Variants in DOK6 observed in about 807,000 individuals in gnomAD.
DOK6 encodes the protein docking protein 6, also known as downstream of tyrosine kinase 6.
Under a neutral mutation model 44.0 loss-of-function variants are expected in DOK6, and 22 were observed. That is an observed-to-expected ratio of 0.50 (90% confidence interval 0.36 to 0.71). The LOEUF is 0.71. Among genes scored for constraint, DOK6 ranks in the 30% least tolerant of loss-of-function variants. The probability of loss-of-function intolerance (pLI) is 0.00; values close to 1 mark genes in which losing one functional copy is unlikely to be tolerated. For missense variants in DOK6, 340 were observed against 416.4 expected (o/e 0.82, Z 1.60); for synonymous variants, 166 against 145.5 (o/e 1.14, Z -1.01).
intron 3 of DOK6, among the ~76,000 whole-genome samples, chr18:69,655,938 A>G (rs1160487403): frequency 6.6e-6 from 1 of 152,126 alleles, no homozygotes; most frequent in Non-Finnish European, 1.5e-5. Flanking sequence ...GAAAGAAACA[A>G]TGGTGAATAG....
At chr18:69,512,595 C>G (rs1217004697) in intron 1 of DOK6, among the ~76,000 whole-genome samples, 1 of 152,044 alleles carries the variant, frequency 6.6e-6, no homozygotes, top group Non-Finnish European at 1.5e-5. Flanking sequence ...TCGTCCGCCT[C>G]GGCCTCCAAA....
intron 6 of DOK6, among the ~76,000 whole-genome samples, chr18:69,748,520 C>T (rs2144746223): frequency 6.6e-6 from 1 of 152,278 alleles, no homozygotes; most frequent in South Asian, 2.1e-4. Context: ...TCATAACAGT[C>T]TCTCAGACCA....
chr18:69,547,431 A>C (rs1982437977), intron 1 of DOK6, among the ~76,000 whole-genome samples: 1 of 151,272 alleles, frequency 6.6e-6, no homozygotes, highest in Non-Finnish European at 1.5e-5. Context: ...GGATCTCAGG[A>C]GAATTCATTC....
intron 1 of DOK6, among the ~76,000 whole-genome samples, chr18:69,461,334 C>T (rs1979780486): frequency 6.6e-6 from 1 of 152,052 alleles, no homozygotes; most frequent in Non-Finnish European, 1.5e-5. Context: ...CTTCTATTTC[C>T]TTTAGTTTCT....
chr18:69,689,123 A>T (rs1986212411), intron 4 of DOK6, among the ~76,000 whole-genome samples: 1 of 152,206 alleles, frequency 6.6e-6, no homozygotes, highest in Non-Finnish European at 1.5e-5. Context: ...ATCAGTCCAC[A>T]AGAACCTTGT....
chr18:69,620,688 A>T (rs142061796), intron 3 of DOK6, among the ~76,000 whole-genome samples: 12 of 152,332 alleles, frequency 7.9e-5, no homozygotes, highest in Non-Finnish European at 1.6e-4. Flanking sequence ...ATAGTTAATA[A>T]TAAATATGAT....
chr18:69,471,729 C>A (rs1205353814), intron 1 of DOK6: 3 of 152,020 alleles, frequency 2.0e-5, no homozygotes, highest in African/African-American at 7.3e-5. Flanking sequence ...CAATAAATAT[C>A]GAATGAGCGA....
intron 7 of DOK6, among the ~76,000 whole-genome samples, chr18:69,829,596 T>G (rs1981844499): frequency 6.6e-6 from 1 of 151,986 alleles, no homozygotes; most frequent in Non-Finnish European, 1.5e-5. Flanking sequence ...AGAGCCAAGA[T>G]AAATTCCCAA....
intron 7 of DOK6, among the ~76,000 whole-genome samples, chr18:69,831,710 T>G (rs989116348): frequency 2.0e-5 from 3 of 152,182 alleles, no homozygotes; most frequent in African/African-American, 7.2e-5. Context: ...CCCTGAGATC[T>G]CCAAAGGAAT....
chr18:69,744,243 G>C (rs992696935), intron 6 of DOK6, among the ~76,000 whole-genome samples: 3 of 151,830 alleles, frequency 2.0e-5, no homozygotes, highest in Non-Finnish European at 4.4e-5. Flanking sequence ...CCGGGAGGCG[G>C]AGGTTGCAGT....
At chr18:69,763,985 G>A (rs1304603408) in intron 7 of DOK6, among the ~76,000 whole-genome samples, 1 of 152,140 alleles carries the variant, frequency 6.6e-6, no homozygotes, top group African/African-American at 2.4e-5. Flanking sequence ...TCTATATCAA[G>A]GAATCATGTC....
At chr18:69,567,370 G>A (rs1190584157) in intron 2 of DOK6, among the ~76,000 whole-genome samples, 6 of 152,182 alleles carry the variant, frequency 3.9e-5, no homozygotes, top group African/African-American at 1.2e-4. Context: ...ATAGATATGA[G>A]TAGGCTAAGA....
intron 4 of DOK6, among the ~76,000 whole-genome samples, chr18:69,691,560 GT>G (rs1986268516): frequency 2.6e-5 from 4 of 152,314 alleles, no homozygotes; most frequent in Admixed American, 2.6e-4. Flanking sequence ...AAGAACCTGA[GT>G]TTGGGGAAGT....
chr18:69,440,599 G>T (rs1312457390), intron 1 of DOK6, among the ~76,000 whole-genome samples: 1 of 151,974 alleles, frequency 6.6e-6, no homozygotes, highest in Non-Finnish European at 1.5e-5. Flanking sequence ...ATATTTCTTG[G>T]GTTATAGTCT....
intron 2 of DOK6, among the ~76,000 whole-genome samples, chr18:69,577,208 G>C (rs576544629): frequency 6.6e-6 from 1 of 152,218 alleles, no homozygotes; most frequent in Admixed American, 6.5e-5. Flanking sequence ...AGAAGAAAAG[G>C]CATTGGTAAA....
At chr18:69,438,964 C>T (rs900987434) in intron 1 of DOK6, among the ~76,000 whole-genome samples, 6 of 152,028 alleles carry the variant, frequency 3.9e-5, no homozygotes, top group East Asian at 3.9e-4. Context: ...TCCAGCTACT[C>T]GGGAGGCTGA....
chr18:69,409,554 TG>T (rs1256302041), intron 1 of DOK6, among the ~76,000 whole-genome samples: 1 of 152,232 alleles, frequency 6.6e-6, no homozygotes, highest in Non-Finnish European at 1.5e-5. Flanking sequence ...GATAGCAGAA[TG>T]CACTCCCCAC....
At chr18:69,762,978 T>C (rs144407031) in intron 7 of DOK6, among the ~76,000 whole-genome samples, 138 of 152,326 alleles carry the variant, frequency 9.1e-4, no homozygotes, top group African/African-American at 3.0e-3. Context: ...TGTTTTCTTT[T>C]TCTTTCTTTT....
chr18:69,835,195 G>T (rs1344010255), intron 7 of DOK6, among the ~76,000 whole-genome samples: 1 of 152,170 alleles, frequency 6.6e-6, no homozygotes, highest in Admixed American at 6.5e-5. Context: ...GGGCGCGGTG[G>T]CTCACGCCTG....
Sources: gnomAD v4.1 joint callset for allele counts (sites outside exome capture counted in the v4.1 genomes callset) on GRCh38, gnomAD v4.1.1 for gene constraint, MANE v1.5 for transcripts, NCBI Gene and HGNC (gene_info 2026-07-23, HGNC 2026-07-21) for gene names.